The following AGMO variants were observed in gnomAD, a reference collection of about 807,000 sequenced individuals.
AGMO encodes glyceryl-ether monooxygenase.
In AGMO, 75 loss-of-function variants were observed where a neutral mutation model predicts 60.2. That is an observed-to-expected ratio of 1.25 (90% CI 1.03 to 1.51). The LOEUF is 1.51. AGMO is among the 40% of genes most tolerant of loss of function. The pLI is 0.00. For synonymous variants in AGMO, 261 were observed against 177.1 expected, an observed-to-expected ratio of 1.47 and a Z score of -3.76; for missense variants, 763 against 525.5, an observed-to-expected ratio of 1.45 and a Z score of -4.42.
intron 6 of AGMO, among the ~76,000 whole-genome samples, chr7:15,391,138 C>G (rs914096242): frequency 6.6e-6 from 1 of 151,798 alleles, no homozygotes; most frequent in African/African-American, 2.4e-5. Flanking sequence ...TAGATGCATG[C>G]TTTCTTGTCA....
chr7:15,382,203 T>A (rs1309566054), intron 10 of AGMO, among the ~76,000 whole-genome samples: 3 of 152,164 alleles, frequency 2.0e-5, no homozygotes, highest in Non-Finnish European at 4.4e-5. Context: ...CTTTTCTCAA[T>A]ACATTATTCA....
intron 3 of AGMO, among the ~76,000 whole-genome samples, chr7:15,451,656 G>C (rs1399229846): frequency 6.6e-6 from 1 of 151,878 alleles, no homozygotes; most frequent in East Asian, 1.9e-4. Context: ...AACTCAAAAT[G>C]GGTTAAAGAC....
intron 12 of AGMO, among the ~76,000 whole-genome samples, chr7:15,350,050 C>CT (rs1190767165): frequency 1.3e-5 from 2 of 152,124 alleles, no homozygotes; most frequent in African/African-American, 4.8e-5. Flanking sequence ...ACTGATTATT[C>CT]TCTTGATTTC....
intron 12 of AGMO, among the ~76,000 whole-genome samples, chr7:15,327,524 A>C (rs1781376911): frequency 6.6e-6 from 1 of 152,092 alleles, no homozygotes; most frequent in Admixed American, 6.6e-5. Context: ...CCAAATTAGG[A>C]CCACACATCC....
chr7:15,356,707 G>GTATAATTTTTATACATTTAA (rs1782543039), intron 12 of AGMO, among the ~76,000 whole-genome samples: 1 of 151,504 alleles, frequency 6.6e-6, no homozygotes, highest in Admixed American at 6.6e-5. Flanking sequence ...TTATAAAAAT[G>GTATAATTTTTATACATTTAA]TATCTAATTT....
intron 12 of AGMO, among the ~76,000 whole-genome samples, chr7:15,299,261 A>T (rs1784489655): frequency 6.6e-6 from 1 of 152,030 alleles, no homozygotes; most frequent in South Asian, 2.1e-4. Context: ...TATAAAGGTT[A>T]TTGCTTCAGT....
At chr7:15,315,974 A>G (rs1780910536) in intron 12 of AGMO, among the ~76,000 whole-genome samples, 1 of 152,126 alleles carries the variant, frequency 6.6e-6, no homozygotes, top group Non-Finnish European at 1.5e-5. Context: ...TTTATAAATG[A>G]TGTTTTAAGA....
At chr7:15,482,258 C>T (rs1344331800) in intron 3 of AGMO, among the ~76,000 whole-genome samples, 1 of 151,588 alleles carries the variant, frequency 6.6e-6, no homozygotes. Flanking sequence ...ATCAGTGCAC[C>T]ACTAACAAGG....
chr7:15,483,524 C>T (rs1204529981), intron 3 of AGMO, among the ~76,000 whole-genome samples: 2 of 152,080 alleles, frequency 1.3e-5, no homozygotes, highest in East Asian at 3.9e-4. Context: ...CGCGATAGAT[C>T]GTGCTACTGC....
chr7:15,183,856 G>T, the AGMO span, among the ~76,000 whole-genome samples: 1 of 152,068 alleles, frequency 6.6e-6, no homozygotes, highest in Non-Finnish European at 1.5e-5. Flanking sequence ...GTCACAAGGG[G>T]CTAAACAAAG....
intron 10 of AGMO, among the ~76,000 whole-genome samples, chr7:15,383,526 G>A (rs956087087): frequency 2.6e-5 from 4 of 151,956 alleles, no homozygotes; most frequent in African/African-American, 9.7e-5. Flanking sequence ...AAATCATACA[G>A]AATATATAGA....
intron 12 of AGMO, among the ~76,000 whole-genome samples, chr7:15,321,676 G>A (rs866739411): frequency 6.6e-6 from 1 of 151,792 alleles, no homozygotes; most frequent in Non-Finnish European, 1.5e-5. Flanking sequence ...TCTAGAAGAC[G>A]ACTTCTACGG....
At chr7:15,252,280 T>C (rs1307191051) in intron 12 of AGMO, among the ~76,000 whole-genome samples, 1 of 152,112 alleles carries the variant, frequency 6.6e-6, no homozygotes, top group African/African-American at 2.4e-5. Flanking sequence ...GGTGGTCAAG[T>C]GTGATGGGAA....
chr7:15,297,000 ATAT>A (rs1168758585), intron 12 of AGMO, among the ~76,000 whole-genome samples: 1 of 152,100 alleles, frequency 6.6e-6, no homozygotes. Flanking sequence ...ACCTTGTATA[ATAT>A]TACGGCTATT....
intron 12 of AGMO, among the ~76,000 whole-genome samples, chr7:15,352,968 G>T (rs1280976327): frequency 1.3e-5 from 2 of 152,068 alleles, no homozygotes; most frequent in African/African-American, 4.8e-5. Context: ...TCTTGTTACT[G>T]CATGGGGAGT....
chr7:15,237,339 AG>A (rs984802521), intron 12 of AGMO, among the ~76,000 whole-genome samples: 19 of 152,168 alleles, frequency 1.2e-4, no homozygotes. Flanking sequence ...GCACAAAGGA[AG>A]GTAAGAAGCT....
At chr7:15,361,596 G>C (rs1239751231) in intron 12 of AGMO, among the ~76,000 whole-genome samples, 2 of 138,142 alleles carry the variant, frequency 1.4e-5, no homozygotes, top group African/African-American at 5.4e-5. Flanking sequence ...GCTCATTAAA[G>C]AATACATTCA....
intron 12 of AGMO, among the ~76,000 whole-genome samples, chr7:15,245,041 G>T (rs1413577091): frequency 2.0e-5 from 3 of 152,104 alleles, no homozygotes; most frequent in Non-Finnish European, 4.4e-5. Context: ...GACTACAAAA[G>T]AAAGCATCTT....
At chr7:15,512,268 A>C (rs1187563379) in intron 3 of AGMO, among the ~76,000 whole-genome samples, 1 of 152,056 alleles carries the variant, frequency 6.6e-6, no homozygotes, top group Non-Finnish European at 1.5e-5. Context: ...TATTATTATC[A>C]TTATTTAGAC....
Sources: gnomAD v4.1 joint callset for allele counts (sites outside exome capture counted in the v4.1 genomes callset) on GRCh38, gnomAD v4.1.1 for gene constraint, MANE v1.5 for transcripts, NCBI Gene and HGNC (gene_info 2026-07-23, HGNC 2026-07-21) for gene names.